CTNND2: variants seen among roughly 807,000 people sequenced by gnomAD.
The protein encoded by CTNND2 is catenin delta 2.
A neutral mutation model predicts 144.4 loss-of-function variants in CTNND2; 22 were observed. That is an observed-to-expected ratio of 0.15 (90% CI 0.11 to 0.22). The LOEUF (loss-of-function observed/expected upper bound fraction) is 0.22, where lower values mean the gene tolerates loss of function less well. Among genes scored for constraint, CTNND2 ranks in the 10% least tolerant of loss-of-function variants. The pLI, the probability that CTNND2 is intolerant of heterozygous loss-of-function variation, is 1.00. For missense variants in CTNND2, 1,353 were observed against 1,618.8 expected (o/e 0.84, Z 2.82); for synonymous variants, 751 against 695.6 (o/e 1.08, Z -1.25).
At chr5:11,268,439 G>T (rs1246250793) in intron 9 of CTNND2, among the ~76,000 whole-genome samples, 3 of 152,014 alleles carry the variant, frequency 2.0e-5, no homozygotes, top group African/African-American at 4.8e-5. Context: ...CAAAAAATTA[G>T]CTGGGCGTGG....
intron 3 of CTNND2, among the ~76,000 whole-genome samples, chr5:11,549,573 C>T (rs1278997466): frequency 1.3e-5 from 2 of 152,162 alleles, no homozygotes; most frequent in African/African-American, 4.8e-5. Flanking sequence ...CACATTCAAA[C>T]AATTCCAGTG....
intron 1 of CTNND2, among the ~76,000 whole-genome samples, chr5:11,773,635 C>A (rs930914755): frequency 6.6e-6 from 1 of 151,984 alleles, no homozygotes; most frequent in Admixed American, 6.6e-5. Flanking sequence ...CATGGTGAGA[C>A]CCTGTCTCTA....
Position 11,566,360 on chromosome 5 carries a change from C to A in CTNND2, c.175-1304G>T, listed in dbSNP as rs560214127. On this transcript the variant is annotated intron_variant, in intron 2 of 21. Coordinates refer to ENST00000304623, the MANE Select transcript of CTNND2 (RefSeq NM_001332.4). ...TATAGTTAAGAAATTAACAAGATCT[C>A]GGCTGAATGTATTTTATGCATCTAA... 2.0e-5 allele frequency among the ~76,000 whole-genome samples: 3 copies of A among 152,256 alleles called. No homozygotes were observed. The East Asian group carries it at 5.8e-4, about 29-fold the overall frequency.
chr5:11,450,135 T>C (rs31959), intron 3 of CTNND2, among the ~76,000 whole-genome samples: 17,537 of 152,238 alleles, frequency 0.12, 3,236 homozygotes, highest in African/African-American at 0.39. Flanking sequence ...GGCTCTCAAC[T>C]TATGTATCAT....
chr5:11,802,271 TA>T (rs1012087351), intron 1 of CTNND2, among the ~76,000 whole-genome samples: 439 of 133,564 alleles, frequency 3.3e-3, no homozygotes, highest in Admixed American at 3.1e-3. Flanking sequence ...GACTCTGTCT[TA>T]AAAAAAAAAA....
intron 1 of CTNND2, among the ~76,000 whole-genome samples, chr5:11,776,692 A>T (rs1183471816): frequency 6.6e-6 from 1 of 152,192 alleles, no homozygotes; most frequent in Non-Finnish European, 1.5e-5. Flanking sequence ...AATATATCTG[A>T]TTGTAGCTAT....
intron 1 of CTNND2, among the ~76,000 whole-genome samples, chr5:11,826,503 C>T (rs116314257): frequency 1.3e-5 from 2 of 151,918 alleles, no homozygotes; most frequent in Admixed American, 6.5e-5. Context: ...ACCCAAAATA[C>T]AATAATCACA....
At position 10,992,735 on chromosome 5, in the gene CTNND2, G is replaced by T. The variant is rs891738802; in HGVS notation, c.3085-58C>A. 4 of 1,584,418 alleles carry T rather than the reference G, an allele frequency of 2.5e-6. No homozygotes were observed. The Admixed American group carries it at 7.4e-5, about 29-fold the overall frequency. ...CAAGACAGAGTGATTTTTCACCTCC[G>T]GACATTTTTAAGTTCCAAGTATCTG... On this transcript the variant is annotated intron_variant, in intron 18 of 21. Transcript: ENST00000304623.
chr5:11,067,509 C>T (rs1747743825), intron 16 of CTNND2, among the ~76,000 whole-genome samples: 1 of 152,184 alleles, frequency 6.6e-6, no homozygotes, highest in African/African-American at 2.4e-5. Context: ...GGATCAGGTT[C>T]TTAGGTCCCA....
chr5:11,112,741 G>A (rs1231861215), intron 13 of CTNND2, among the ~76,000 whole-genome samples: 1 of 152,242 alleles, frequency 6.6e-6, no homozygotes, highest in Non-Finnish European at 1.5e-5. Flanking sequence ...AGCCGGCTTG[G>A]CTTCCAATCC....
intron 16 of CTNND2, among the ~76,000 whole-genome samples, chr5:11,064,383 T>C (rs574838467): frequency 2.3e-4 from 35 of 152,224 alleles, no homozygotes; most frequent in Admixed American, 4.6e-4. Flanking sequence ...AACAATCATA[T>C]AGACTGTGAA....
chr5:11,586,893 C>A (rs2150137766), intron 2 of CTNND2, among the ~76,000 whole-genome samples: 1 of 151,862 alleles, frequency 6.6e-6, no homozygotes, highest in Non-Finnish European at 1.5e-5. Context: ...CCTAAAGGGC[C>A]TACTTAGTAT....
intron 3 of CTNND2, among the ~76,000 whole-genome samples, chr5:11,469,950 C>G (rs1432823909): frequency 6.6e-6 from 1 of 152,128 alleles, no homozygotes; most frequent in Non-Finnish European, 1.5e-5. Context: ...CTGGCCTGGT[C>G]TGAGTCTTCA....
At chr5:11,718,989 C>A (rs1786511885) in intron 2 of CTNND2, among the ~76,000 whole-genome samples, 1 of 152,152 alleles carries the variant, frequency 6.6e-6, no homozygotes, top group South Asian at 2.1e-4. Context: ...AACTGAGGAG[C>A]ACAGATTTCC....
chr5:11,043,140 C>T (rs1278674194), intron 16 of CTNND2, among the ~76,000 whole-genome samples: 1 of 150,436 alleles, frequency 6.6e-6, no homozygotes, highest in Non-Finnish European at 1.5e-5. Flanking sequence ...TTTTATAGTA[C>T]ACAGAATTTC....
intron 3 of CTNND2, among the ~76,000 whole-genome samples, chr5:11,441,292 T>C (rs1236686176): frequency 6.6e-6 from 1 of 151,796 alleles, no homozygotes; most frequent in Non-Finnish European, 1.5e-5. Context: ...TAAAAACTGC[T>C]CATCAGGCCA....
chr5:11,890,794 AAAC>A (rs1736896041), intron 1 of CTNND2, among the ~76,000 whole-genome samples: 2 of 152,372 alleles, frequency 1.3e-5, no homozygotes, highest in South Asian at 4.1e-4. Context: ...GTTAGGACAG[AAAC>A]ACTTGCTTTC....
At chr5:11,662,144 T>C (rs1419310477) in intron 2 of CTNND2, among the ~76,000 whole-genome samples, 5 of 145,448 alleles carry the variant, frequency 3.4e-5, no homozygotes, top group South Asian at 4.2e-4. Context: ...TATGTATATA[T>C]ACACATATAT....
intron 1 of CTNND2, among the ~76,000 whole-genome samples, chr5:11,828,761 A>G (rs1054580197): frequency 2.6e-5 from 4 of 152,150 alleles, no homozygotes; most frequent in Non-Finnish European, 5.9e-5. Flanking sequence ...AATTGGTACC[A>G]GGAGTGGGGT....
Sources: gnomAD v4.1 joint callset for allele counts (sites outside exome capture counted in the v4.1 genomes callset) on GRCh38, gnomAD v4.1.1 for gene constraint, MANE v1.5 for transcripts, NCBI Gene and HGNC (gene_info 2026-07-23, HGNC 2026-07-21) for gene names.